The following C1orf94 variants were observed in gnomAD, a reference collection of about 807,000 sequenced individuals.
C1orf94 encodes chromosome 1 open reading frame 94, also known as uncharacterized protein C1orf94.
C1orf94 carries 45 observed loss-of-function variants against 53.6 expected under a neutral mutation model. The ratio of observed to expected loss-of-function variants is 0.84; its 90% CI spans 0.66 to 1.08. The LOEUF is 1.08. Ranked by LOEUF, C1orf94 falls within the 50% of genes least tolerant of loss-of-function variation. The pLI is 0.00. For missense variants in C1orf94, 762 were observed against 738.9 expected, an observed-to-expected ratio of 1.03 and a Z score of -0.36; for synonymous variants, 304 against 296.1, an observed-to-expected ratio of 1.03 and a Z score of -0.27.
intron 1 of C1orf94, among the ~76,000 whole-genome samples, chr1:34,178,983 TAA>T (rs1642273335): frequency 2.6e-5 from 4 of 152,268 alleles, no homozygotes; most frequent in Non-Finnish European, 5.9e-5. Flanking sequence ...AATTAAGAGC[TAA>T]TTAAAGACTA....
chr1:34,214,352 GA>G (rs141974277), intron 6 of C1orf94, among the ~76,000 whole-genome samples: 61 of 152,330 alleles, frequency 4.0e-4, no homozygotes, highest in African/African-American at 1.4e-3. Flanking sequence ...ACTAGATTAT[GA>G]AAGGCTTTGG....
chr1:34,187,234 G>T (rs1270600308), intron 1 of C1orf94, among the ~76,000 whole-genome samples: 1 of 152,176 alleles, frequency 6.6e-6, no homozygotes, highest in Non-Finnish European at 1.5e-5. Flanking sequence ...AGATGAGAAA[G>T]GTGAGGCTCA....
intron 6 of C1orf94, 114 bp downstream of exon 6, chr1:34,212,520 T>C: frequency 9.2e-7 from 1 of 1,090,250 alleles, no homozygotes; most frequent in South Asian, 1.6e-5. Flanking sequence ...GGCTGTGGGG[T>C]GGGATGGGCC....
intron 1 of C1orf94, among the ~76,000 whole-genome samples, chr1:34,195,779 G>T (rs922262321): frequency 1.4e-4 from 21 of 145,270 alleles, no homozygotes; most frequent in South Asian, 6.7e-4. Context: ...TCTGTTCGTG[G>T]GTGTGTGTGT....
At chr1:34,173,987 C>G (rs1642184931), upstream of C1orf94, among the ~76,000 whole-genome samples, 1 of 152,234 alleles carries the variant, frequency 6.6e-6, no homozygotes, top group Non-Finnish European at 1.5e-5. Flanking sequence ...TTATATCACA[C>G]TGCTCTGCAC....
upstream of C1orf94, among the ~76,000 whole-genome samples, chr1:34,172,116 G>A (rs1350395315): frequency 1.3e-5 from 2 of 152,142 alleles, no homozygotes; most frequent in African/African-American, 2.4e-5. Context: ...CTAGCTGAAG[G>A]GTTTCCCATA....
chr1:34,169,596 TGAGAGAGAGA>T (rs568952022), intron 1 of C1orf94, among the ~76,000 whole-genome samples: 1,893 of 97,598 alleles, frequency 0.019, 58 homozygotes, highest in African/African-American at 0.067. Flanking sequence ...CTTCTGAAGC[TGAGAGAGAGA>T]GAGAGAGAGA....
chr1:34,218,956 T>TACACAC lies in C1orf94; in HGVS notation c.*209_*214dup, dbSNP rs67041028. Reference sequence around the variant, plus strand: ...AGCCCTCCTCACACATGGCACAAGCTACACACACACACACACACATGACCC... The same window carrying TACACAC: ...AGCCCTCCTCACACATGGCACAAGCTACACACACACACACACACACACACATGACCC... On this transcript the variant is annotated 3_prime_UTR_variant, in exon 7 of 7. Coordinates refer to ENST00000488417, the MANE Select transcript of C1orf94 (RefSeq NM_001134734.2). The TACACAC allele has an allele frequency of 1.9e-5, 7 of 371,784 alleles. No individual in the cohort carries two copies. The highest frequency in any genetic ancestry group is 1.5e-4 in the African/African-American group (7 of 45,698). 23.0% of individuals were successfully genotyped at this position (371,784 alleles called of 1,614,324 possible).
Position 34,197,724 on chromosome 1 carries a change from C to T in C1orf94, c.820C>T (p.Leu274=). The T allele has an allele frequency of 6.2e-7, 1 of 1,614,162 alleles. No homozygotes were observed. Among genetic ancestry groups the T allele is most frequent in the Non-Finnish European group, 8.5e-7 (1 of 1,180,014 alleles). The change falls in exon 2 of 7, where the codon CTG becomes TTG. Residue 274 remains leucine (L), a synonymous_variant. Transcript: ENST00000488417. This position sits in a 1 kb window ranked among gnomAD's most constrained non-coding sequence, Gnocchi z 4.1. ...CACCAAGGACTTCCTACAGGACAAC[C>T]TGTTCAGTGGCCCTGGACCCAAGGA... The part of the protein sequence containing the change: ...RVTKDFLQDN[L]FSGPGPKEPT...
At chr1:34,181,082 A>G (rs766805710) in intron 1 of C1orf94, among the ~76,000 whole-genome samples, 9 of 152,224 alleles carry the variant, frequency 5.9e-5, no homozygotes, top group Non-Finnish European at 1.3e-4. Flanking sequence ...TCTATCACTG[A>G]AATATGTCTC....
intron 2 of C1orf94, among the ~76,000 whole-genome samples, chr1:34,198,702 C>T (rs922101358): frequency 2.6e-5 from 4 of 152,196 alleles, no homozygotes; most frequent in African/African-American, 7.2e-5. Flanking sequence ...GAGAGACACC[C>T]GTATTGGGAG....
chr1:34,183,805 G>A (rs972755307), intron 1 of C1orf94, among the ~76,000 whole-genome samples: 2 of 151,274 alleles, frequency 1.3e-5, no homozygotes, highest in African/African-American at 4.9e-5. Context: ...GCAGTGAGCC[G>A]AGATTGTGCC....
In C1orf94 at chr1:34,216,350, A is replaced by G. The variant is rs923383853; in HGVS notation, c.1722-2336A>G. 2.0e-5 allele frequency among the ~76,000 whole-genome samples: 3 copies of G among 152,160 alleles called. No individual in the cohort carries two copies. The East Asian group carries it at 5.8e-4, about 29-fold the overall frequency. The stretch of plus-strand genomic sequence containing the variant: ...GACTTCCAGCATGTAGAGGCTGCGG[A>G]GATGTGGAGGAACCAGCAAAGATTC... On this transcript the variant is annotated intron_variant, in intron 6 of 6. Transcript: ENST00000488417.
chr1:34,175,717 G>A (rs1642215114), upstream of C1orf94, among the ~76,000 whole-genome samples: 1 of 152,048 alleles, frequency 6.6e-6, no homozygotes, highest in Non-Finnish European at 1.5e-5. Context: ...TGCCTACTAT[G>A]TGCCAGAAAC....
rs1416169595 is a variant in C1orf94, at chr1:34,212,249, T to G, written c.1564T>G (p.Phe522Val). ...YNPQQMGQQI[F>V]RSSYTPLLSY... Reference sequence around the variant, plus strand: ...CCCACAGCAGATGGGACAGCAGATCTTCCGCTCTTCCTACACCCCTCTGCT... The same window carrying G: ...CCCACAGCAGATGGGACAGCAGATCGTCCGCTCTTCCTACACCCCTCTGCT... Residue 522 changes from phenylalanine to valine, a missense_variant, in exon 6 of 7, where the codon TTC becomes GTC. Coordinates refer to ENST00000488417, the MANE Select transcript of C1orf94 (RefSeq NM_001134734.2). 1.9e-6 allele frequency: 3 copies of G among 1,613,422 alleles called. No individual in the cohort carries two copies. The highest frequency in any genetic ancestry group is 3.3e-5 in the Admixed American group (2 of 59,986).
At position 34,212,265 on chromosome 1, in the gene C1orf94, C is replaced by A. The variant is rs772860030; in HGVS notation, c.1580C>A (p.Thr527Asn). 9 of 1,613,946 alleles carry A rather than the reference C, an allele frequency of 5.6e-6. No individual in the cohort carries two copies. Among genetic ancestry groups the A allele is most frequent in the Middle Eastern group, 1.7e-4 (1 of 6,058 alleles). Residue 527 changes from threonine (T) to asparagine (N), a missense_variant, in exon 6 of 7, where the codon ACC (threonine) becomes AAC (asparagine). By Grantham distance (65) the Thr-to-Asn change is moderately conservative. Coordinates refer to ENST00000488417, the MANE Select transcript of C1orf94 (RefSeq NM_001134734.2). The stretch of plus-strand genomic sequence containing the variant: ...CAGCAGATCTTCCGCTCTTCCTACA[C>A]CCCTCTGCTGAGCTACATCCCTTTT... ...MGQQIFRSSYTPLLSYIPFVQ... is the reference protein window; with the variant it reads ...MGQQIFRSSYNPLLSYIPFVQ...
intron 1 of C1orf94, among the ~76,000 whole-genome samples, chr1:34,185,877 T>G (rs910750067): frequency 6.6e-6 from 1 of 152,232 alleles, no homozygotes; most frequent in African/African-American, 2.4e-5. Flanking sequence ...GATGCACGTC[T>G]TGCTGGTCTC....
At chr1:34,204,426 G>A (rs571138994) in intron 4 of C1orf94, among the ~76,000 whole-genome samples, 2 of 152,120 alleles carry the variant, frequency 1.3e-5, no homozygotes, top group Non-Finnish European at 1.5e-5. Context: ...TGTGATGAAA[G>A]GTGACCTAAG....
At chr1:34,202,859 A>C (rs1281269897) in intron 4 of C1orf94, among the ~76,000 whole-genome samples, 5 of 152,142 alleles carry the variant, frequency 3.3e-5, no homozygotes, top group Admixed American at 3.3e-4. Flanking sequence ...CTTGGATGGA[A>C]ACTACTTGAA....
Sources: allele counts gnomAD v4.1 joint callset (sites outside exome capture counted in the v4.1 genomes callset), GRCh38; gene constraint gnomAD v4.1.1; non-coding constraint Gnocchi (gnomAD v3.1); transcripts MANE v1.5; gene names NCBI Gene and HGNC (gene_info 2026-07-23, HGNC 2026-07-21).